SORCS3: variants seen among roughly 807,000 people sequenced by gnomAD.
SORCS3 encodes the protein VPS10 domain-containing receptor SorCS3.
A neutral mutation model predicts 146.3 loss-of-function variants in SORCS3; 57 were observed. The ratio of observed to expected loss-of-function variants is 0.39; its 90% CI spans 0.31 to 0.49. The LOEUF is 0.49. Ranked by LOEUF, SORCS3 falls within the 20% of genes least tolerant of loss-of-function variation. SORCS3 has a pLI of 0.92. For missense variants in SORCS3, 1,341 were observed against 1,575.5 expected (o/e 0.85, Z 2.52); for synonymous variants, 653 against 618.5 (o/e 1.06, Z -0.83).
chr10:105,050,211 T>A (rs1365935779), intron 5 of SORCS3, among the ~76,000 whole-genome samples: 1 of 152,134 alleles, frequency 6.6e-6, no homozygotes, highest in Non-Finnish European at 1.5e-5. Context: ...GCTCCACTGA[T>A]CTCTGCCTTC....
chr10:105,086,844 C>T (rs1011868938), intron 5 of SORCS3, among the ~76,000 whole-genome samples: 1 of 152,194 alleles, frequency 6.6e-6, no homozygotes, highest in Non-Finnish European at 1.5e-5. Context: ...CAGAATTTTT[C>T]TCCCGTTCTG....
At chr10:105,242,667 T>TATTTATATAC (rs1564793751) in intron 20 of SORCS3, among the ~76,000 whole-genome samples, 3,962 of 99,142 alleles carry the variant, frequency 0.04, 181 homozygotes, top group Middle Eastern at 0.11. Context: ...CATTTATATA[T>TATTTATATAC]ATTTATATAT....
chr10:104,831,677 A>G (rs2018002526), intron 1 of SORCS3, among the ~76,000 whole-genome samples: 1 of 152,112 alleles, frequency 6.6e-6, no homozygotes, highest in South Asian at 2.1e-4. Context: ...CAGGGCCAGG[A>G]CCTCTTTCTT....
At chr10:105,148,004 A>G (rs895592008) in intron 9 of SORCS3, among the ~76,000 whole-genome samples, 2 of 152,118 alleles carry the variant, frequency 1.3e-5, no homozygotes, top group Admixed American at 6.6e-5. Context: ...GAGATGAGAG[A>G]TGATGGATAT....
rs569236505 is a variant in SORCS3 at position 104,808,310 on chromosome 10, T to A, written c.628-34482T>A. 3.3e-5 allele frequency among the ~76,000 whole-genome samples: 5 copies of A among 152,330 alleles called. No individual in the cohort carries two copies. In the South Asian group the frequency reaches 1.0e-3, roughly 32 times the overall value. Reference sequence around the variant, plus strand: ...TATTCTGGACACTAGGGGCTGAGGATGTAAAGACAGGGCTTTTGCTTCAAA... The same window carrying A: ...TATTCTGGACACTAGGGGCTGAGGAAGTAAAGACAGGGCTTTTGCTTCAAA... On this transcript the variant is annotated intron_variant, in intron 1 of 26. Transcript: ENST00000369701.
At chr10:105,194,019 A>G (rs7914824) in intron 14 of SORCS3, among the ~76,000 whole-genome samples, 11,882 of 152,234 alleles carry the variant, frequency 0.078, 538 homozygotes, top group Middle Eastern at 0.17. Flanking sequence ...AATGGGAGTT[A>G]TAAATTTTAA....
At chr10:104,654,686 G>T (rs2015603826) in intron 1 of SORCS3, among the ~76,000 whole-genome samples, 1 of 152,172 alleles carries the variant, frequency 6.6e-6, no homozygotes, top group Admixed American at 6.5e-5. Flanking sequence ...AAGTACTTAG[G>T]TTACTTGATG....
chr10:104,671,264 T>C lies in SORCS3; in HGVS notation c.627+29310T>C, dbSNP rs543682039. ...TTCAGTCTTTTATGATTGAGTATGA[T>C]GTTAACTGTGTGTTTTTTTTTATAT... On this transcript the variant is annotated intron_variant, in intron 1 of 26. Coordinates refer to ENST00000369701, the MANE Select transcript of SORCS3 (RefSeq NM_014978.3). 1.5e-4 allele frequency among the ~76,000 whole-genome samples: 23 copies of C among 149,182 alleles called. 1 individual carries two copies. In the South Asian group the frequency reaches 4.0e-3, roughly 26 times the overall value.
chr10:104,726,443 G>T (rs922200718), intron 1 of SORCS3, among the ~76,000 whole-genome samples: 3 of 152,176 alleles, frequency 2.0e-5, no homozygotes, highest in Non-Finnish European at 4.4e-5. Flanking sequence ...AACGTGGTGG[G>T]TGATGAGGGT....
At chr10:105,187,955 A>G (rs548079937) in intron 14 of SORCS3, among the ~76,000 whole-genome samples, 2 of 152,270 alleles carry the variant, frequency 1.3e-5, no homozygotes, top group East Asian at 3.9e-4. Context: ...AATCAGTTCT[A>G]TAATCCAATT....
In SORCS3 at chr10:104,887,971, G is replaced by GGGGGC. The variant is rs145157471; in HGVS notation, c.696-27861_696-27860insGGGCG. ...AACATGGTGGGGGCGGGGGGGCGGGGGCGGAGCAAGCCCATGAAGACAGCA... is the reference window on the plus strand; with the variant it reads ...AACATGGTGGGGGCGGGGGGGCGGGGGGGGCGCGGAGCAAGCCCATGAAGACAGCA... On this transcript the variant is annotated intron_variant, in intron 2 of 26. Transcript: ENST00000369701. Among the ~76,000 whole-genome samples the GGGGGC allele has an allele frequency of 3.2e-3, 265 of 83,002 alleles. 6 individuals are homozygous for GGGGGC. Among genetic ancestry groups the GGGGGC allele is most frequent in the African/African-American group, 5.8e-3 (105 of 18,140 alleles). 54.5% of individuals were successfully genotyped at this position (83,002 alleles called of 152,430 possible).
At chr10:104,832,598 A>G (rs894260524) in intron 1 of SORCS3, among the ~76,000 whole-genome samples, 10 of 152,174 alleles carry the variant, frequency 6.6e-5, no homozygotes, top group African/African-American at 2.4e-4. Flanking sequence ...CGTGCTCGTA[A>G]TTCCAGCTAC....
At chr10:105,241,715 T>A (rs1428428741) in intron 20 of SORCS3, among the ~76,000 whole-genome samples, 1 of 152,140 alleles carries the variant, frequency 6.6e-6, no homozygotes, top group Non-Finnish European at 1.5e-5. Flanking sequence ...ATCTCCTCCC[T>A]GACTTCAAGT....
intron 1 of SORCS3, among the ~76,000 whole-genome samples, chr10:104,823,553 G>T (rs1014488520): frequency 2.0e-5 from 3 of 151,908 alleles, no homozygotes; most frequent in Admixed American, 6.6e-5. Flanking sequence ...TTCTCACTAG[G>T]CTTTCTGCTT....
chr10:104,651,468 C>T (rs2015557285), intron 1 of SORCS3, among the ~76,000 whole-genome samples: 1 of 146,006 alleles, frequency 6.8e-6, no homozygotes, highest in African/African-American at 2.6e-5. Context: ...CTGAGGCGGG[C>T]AGATCACTTG....
intron 18 of SORCS3, among the ~76,000 whole-genome samples, chr10:105,216,025 C>A (rs2056662865): frequency 6.6e-6 from 1 of 151,942 alleles, no homozygotes; most frequent in South Asian, 2.1e-4. Context: ...CAGCATAGAC[C>A]CTTAAGAAGC....
chr10:105,045,526 C>T (rs756032602), intron 5 of SORCS3, among the ~76,000 whole-genome samples: 34 of 151,810 alleles, frequency 2.2e-4, no homozygotes, highest in Non-Finnish European at 4.9e-4. Flanking sequence ...TTTACATAGA[C>T]ATTTTTTTTT....
intron 5 of SORCS3, among the ~76,000 whole-genome samples, chr10:105,057,619 C>T (rs2055454161): frequency 6.6e-6 from 1 of 152,144 alleles, no homozygotes; most frequent in African/African-American, 2.4e-5. Flanking sequence ...AAGTTTGGTG[C>T]TAATGCACTG....
chr10:104,782,000 A>G (rs1168710224), intron 1 of SORCS3, among the ~76,000 whole-genome samples: 1 of 152,216 alleles, frequency 6.6e-6, no homozygotes, highest in African/African-American at 2.4e-5. Flanking sequence ...CTACTTATAG[A>G]ACGGGGTGTA....
Sources: allele counts gnomAD v4.1 joint callset (sites outside exome capture counted in the v4.1 genomes callset), GRCh38; gene constraint gnomAD v4.1.1; transcripts MANE v1.5; gene names NCBI Gene and HGNC (gene_info 2026-07-23, HGNC 2026-07-21).